The following SYNJ1 variants were observed in gnomAD, a reference collection of about 807,000 sequenced individuals.
The protein encoded by SYNJ1 is synaptojanin 1.
Under a neutral mutation model 168.2 loss-of-function variants are expected in SYNJ1, and 78 were observed. The ratio of observed to expected loss-of-function variants is 0.46; its 90% CI spans 0.39 to 0.56. The LOEUF (loss-of-function observed/expected upper bound fraction) is 0.56. Ranked by LOEUF, SYNJ1 falls within the 20% of genes least tolerant of loss-of-function variation. The pLI, the probability that SYNJ1 is intolerant of heterozygous loss-of-function variation, is 0.00. For missense variants in SYNJ1, 1,303 were observed against 1,597.6 expected (o/e 0.82, Z 3.14); for synonymous variants, 539 against 548.6 (o/e 0.98, Z 0.24).
In SYNJ1 at chr21:32,639,734, C is replaced by T. The variant is rs769125182; in HGVS notation, c.3634G>A (p.Ala1212Thr). The T allele has an allele frequency of 2.8e-5, 45 of 1,613,964 alleles. No homozygotes were observed. Among genetic ancestry groups the T allele is most frequent in the East Asian group, 6.7e-5 (3 of 44,888 alleles). ...GTCAGTCTTCCAGCAGATGCCCGCG[C>T]GTGGCTCTGTGGGGCACTGATAACT... Reference protein sequence around the residue: ...AGVISAPQSHARASAGRLTPE... With the variant: ...AGVISAPQSHTRASAGRLTPE... The change falls in exon 30 of 33, where the codon GCG becomes ACG. Residue 1212 changes from alanine to threonine, a missense_variant. Around this residue, in one of 2 missense-constraint regions of SYNJ1, gnomAD observed 383 missense variants for 388.8 expected, o/e 0.99. Coordinates refer to ENST00000674351, the MANE Select transcript of SYNJ1 (RefSeq NM_203446.3).
intron 3 of SYNJ1, among the ~76,000 whole-genome samples, chr21:32,701,760 A>C (rs1313012311): frequency 6.6e-6 from 1 of 152,174 alleles, no homozygotes; most frequent in Non-Finnish European, 1.5e-5. Flanking sequence ...ACTTCCACTC[A>C]CATGAGTTTG....
intron 2 of SYNJ1, among the ~76,000 whole-genome samples, chr21:32,725,994 G>A (rs1272821092): frequency 2.0e-5 from 3 of 152,034 alleles, no homozygotes; most frequent in African/African-American, 7.3e-5. Flanking sequence ...GGCACACGAC[G>A]GAGCCGAACT....
intron 5 of SYNJ1, 89 bp downstream of exon 5, chr21:32,694,968 C>A: frequency 7.9e-7 from 1 of 1,264,328 alleles, no homozygotes; most frequent in Non-Finnish European, 1.1e-6. Context: ...TTAAAATAAG[C>A]TCCGAATCAA....
chr21:32,687,030 A>G lies in SYNJ1; in HGVS notation c.896T>C (p.Val299Ala), dbSNP rs771755243. The change falls in exon 8 of 33, where the codon GTA becomes GCA. Residue 299 changes from valine to alanine, a missense_variant. Physicochemically the swap from Val to Ala is moderately conservative, Grantham distance 64. This residue lies in a region of SYNJ1 where 920 missense variants were observed against 1,208.8 expected (regional missense o/e 0.76). Coordinates refer to ENST00000674351, the MANE Select transcript of SYNJ1 (RefSeq NM_203446.3). The stretch of plus-strand genomic sequence containing the variant: ...ACCTTCCTTAGATCCAAGCAAATTT[A>G]CTATTATTTGTTTACCATATAAGTT... The part of the protein sequence containing the change: ...LKNLYGKQII[V>A]NLLGSKEGEH... 6.5e-7 allele frequency: 1 copy of G among 1,549,178 alleles called. No homozygotes were observed. Among genetic ancestry groups the G allele is most frequent in the Non-Finnish European group, 8.7e-7 (1 of 1,153,888 alleles).
In SYNJ1 at chr21:32,670,271, T is replaced by G; in HGVS notation, c.1811+17A>C. ...TCAACTGGCAAATTTTTCAGTGGAT[T>G]AATGTGGCTAGCTTACCTTGCACTC... On this transcript the variant is annotated intron_variant, in intron 15 of 32. Coordinates refer to ENST00000674351, the MANE Select transcript of SYNJ1 (RefSeq NM_203446.3). The G allele has an allele frequency of 6.2e-7, 1 of 1,609,494 alleles. No individual in the cohort carries two copies. The highest frequency in any genetic ancestry group is 1.7e-4 in the Middle Eastern group (1 of 6,046).
chr21:32,628,975 TCTG>T lies in SYNJ1; in HGVS notation c.*2827_*2829del, dbSNP rs2039222854. On this transcript the variant is annotated 3_prime_UTR_variant, in exon 33 of 33. Coordinates refer to ENST00000674351, the MANE Select transcript of SYNJ1 (RefSeq NM_203446.3). ...GAGATCCTTAGTGTCTAACTTCTGC[TCTG>T]CTTTTAACAGAACTAGTAAATATTT... The T allele has an allele frequency of 6.5e-6, 1 of 152,682 alleles. No individual in the cohort carries two copies. The highest frequency in any genetic ancestry group is 2.1e-4 in the South Asian group (1 of 4,832). 9.5% of individuals were successfully genotyped at this position (152,682 alleles called of 1,614,324 possible). A position where few individuals can be genotyped will look rare whatever the true frequency, so the allele number is the denominator to read the frequency against.
chr21:32,696,144 G>A (rs1467374865), intron 4 of SYNJ1, among the ~76,000 whole-genome samples: 1 of 152,124 alleles, frequency 6.6e-6, no homozygotes, highest in African/African-American at 2.4e-5. Flanking sequence ...GAGCCACCGC[G>A]CCCGCCCATG....
At chr21:32,728,174 T>C (rs1338234351), upstream of SYNJ1, 9 of 1,085,704 alleles carry the variant, frequency 8.3e-6, no homozygotes, top group South Asian at 1.7e-5. Context: ...AGTCTCCAGC[T>C]ACCTTTGCCT....
chr21:32,650,564 A>C (rs963020492), intron 22 of SYNJ1, among the ~76,000 whole-genome samples: 3 of 152,226 alleles, frequency 2.0e-5, no homozygotes, highest in Non-Finnish European at 4.4e-5. Flanking sequence ...GTGATAAATA[A>C]AGATCTTTTC....
Position 32,643,461 on chromosome 21 carries a change from T to C in SYNJ1, c.3431-4A>G, listed in dbSNP as rs764059294. On this transcript the variant is annotated splice_polypyrimidine_tract_variant and splice_region_variant and intron_variant, in intron 26 of 32. Transcript: ENST00000674351. ...GGACTGGGAGGGGCTCCAATACCTT[T>C]TTAGAGAAAGAACAGAAACTATATA... 1.2e-6 allele frequency: 2 copies of C among 1,613,536 alleles called. No homozygotes were observed. Among genetic ancestry groups the C allele is most frequent in the Non-Finnish European group, 1.7e-6 (2 of 1,179,666 alleles).
At chr21:32,694,700 T>G (rs1019305566) in intron 5 of SYNJ1, among the ~76,000 whole-genome samples, 3 of 152,190 alleles carry the variant, frequency 2.0e-5, no homozygotes, top group Admixed American at 6.5e-5. Flanking sequence ...AATTTCTGAT[T>G]TTTAGATGGT....
In SYNJ1 at chr21:32,695,169, T is replaced by G; in HGVS notation, c.593A>C (p.Gln198Pro). 1.9e-6 allele frequency: 3 copies of G among 1,614,184 alleles called. No individual in the cohort carries two copies. The highest frequency in any genetic ancestry group is 1.7e-6 in the Non-Finnish European group (2 of 1,180,022). Residue 198 changes from glutamine to proline, a missense_variant, in exon 5 of 33, where the codon CAG becomes CCG. Gln to Pro is a moderately conservative substitution (Grantham distance 76). Transcript: ENST00000674351. ...EIRTIYAAHK[Q>P]AKACLISRLS... ...TCTTGAAATGAGGCAAGCCTTCGCC[T>G]GTTTATGAGCAGCATAAATTGTTCT...
intron 4 of SYNJ1, among the ~76,000 whole-genome samples, chr21:32,698,712 A>C (rs958832145): frequency 1.3e-5 from 2 of 152,170 alleles, no homozygotes; most frequent in Non-Finnish European, 2.9e-5. Flanking sequence ...ATAATCATGA[A>C]ATACATCACA....
chr21:32,669,055 T>C (rs147022222), intron 15 of SYNJ1, among the ~76,000 whole-genome samples: 1 of 152,212 alleles, frequency 6.6e-6, no homozygotes, highest in East Asian at 1.9e-4. Context: ...ATTGATTTTA[T>C]TAAAGCTCAA....
chr21:32,657,730 G>C lies in SYNJ1; in HGVS notation c.2447C>G (p.Pro816Arg). 6.2e-7 allele frequency: 1 copy of C among 1,602,386 alleles called. No homozygotes were observed. Among genetic ancestry groups the C allele is most frequent in the African/African-American group, 1.3e-5 (1 of 74,208 alleles). Residue 816 changes from proline to arginine, a missense_variant, in exon 19 of 33, where the codon CCT (proline) becomes CGT (arginine). Pro to Arg is a moderately radical substitution (Grantham distance 103, BLOSUM62 -2). Coordinates refer to ENST00000674351, the MANE Select transcript of SYNJ1 (RefSeq NM_203446.3). Reference sequence around the variant, plus strand: ...CATTTCCCAACCTGATCTATCAAAAGGCCATTTCCTCCTTCTCCAAAGGAC... The same window carrying C: ...CATTTCCCAACCTGATCTATCAAAACGCCATTTCCTCCTTCTCCAAAGGAC... ...DRVLWRRRKWPFDRSAEDLDL... is the reference protein window; with the variant it reads ...DRVLWRRRKWRFDRSAEDLDL...
At chr21:32,728,102 G>A, upstream of SYNJ1, 1 of 1,494,640 alleles carries the variant, frequency 6.7e-7, no homozygotes, top group Non-Finnish European at 8.9e-7. Flanking sequence ...GCATCAGGAG[G>A]GAGACCACGC....
intron 23 of SYNJ1, among the ~76,000 whole-genome samples, chr21:32,647,163 C>T (rs2040107183): frequency 6.6e-6 from 1 of 152,218 alleles, no homozygotes; most frequent in South Asian, 2.1e-4. Flanking sequence ...GTAACCCTTG[C>T]AACCTAACTG....
In SYNJ1 at chr21:32,673,510, C is replaced by T. The variant is rs377639115; in HGVS notation, c.1556G>A (p.Ser519Asn). The change falls in exon 14 of 33, where the codon AGC (serine) becomes AAC (asparagine). Residue 519 changes from serine (S) to asparagine (N), a missense_variant. By Grantham distance (46) the Ser-to-Asn change is conservative. Around this residue, in one of 2 missense-constraint regions of SYNJ1, gnomAD observed 920 missense variants for 1,208.8 expected, o/e 0.76. Coordinates refer to ENST00000674351, the MANE Select transcript of SYNJ1 (RefSeq NM_203446.3). ...LQSASSKVLK[S>N]MCENFYKYSK... is the part of the protein sequence containing the mutation. The stretch of plus-strand genomic sequence containing the variant: ...ATATTTGTAGAAATTCTCACACATG[C>T]TCTTTAGTACTTTAGAAGATGCTAA... The T allele has an allele frequency of 1.9e-6, 3 of 1,610,200 alleles. No individual in the cohort carries two copies. The highest frequency in any genetic ancestry group is 1.1e-5 in the South Asian group (1 of 90,394).
intron 12 of SYNJ1, among the ~76,000 whole-genome samples, chr21:32,677,668 A>C (rs986194157): frequency 6.6e-6 from 1 of 152,132 alleles, no homozygotes; most frequent in Admixed American, 6.5e-5. Context: ...AAGATCAGAC[A>C]TTTTTTGGAG....
Sources: gnomAD v4.1 joint callset for allele counts (sites outside exome capture counted in the v4.1 genomes callset) on GRCh38, gnomAD v4.1.1 for gene constraint, gnomAD v4.1.1 regional missense constraint, MANE v1.5 for transcripts, NCBI Gene and HGNC (gene_info 2026-07-23, HGNC 2026-07-21) for gene names.